The following SERTAD4 variants were observed in gnomAD, a reference collection of about 807,000 sequenced individuals.
SERTAD4 encodes SERTA domain-containing protein 4.
Under a neutral mutation model 32.9 loss-of-function variants are expected in SERTAD4, and 18 were observed. The ratio of observed to expected loss-of-function variants is 0.55; its 90% CI spans 0.38 to 0.81. SERTAD4 has a LOEUF of 0.81. Among genes scored for constraint, SERTAD4 ranks in the 30% least tolerant of loss-of-function variants. The pLI is 0.00. For synonymous variants in SERTAD4, 150 were observed against 156.4 expected (o/e 0.96, Z 0.30); for missense variants, 383 against 426.0 (o/e 0.90, Z 0.89).
intron 3 of SERTAD4, among the ~76,000 whole-genome samples, chr1:210,240,683 G>A (rs1472214596): frequency 1.3e-5 from 2 of 152,128 alleles, no homozygotes; most frequent in African/African-American, 2.4e-5. Context: ...CATAGTGACA[G>A]TGTCACACAG....
chr1:210,236,519 T>C (rs1387583995), intron 1 of SERTAD4, among the ~76,000 whole-genome samples: 2 of 152,256 alleles, frequency 1.3e-5, no homozygotes, highest in African/African-American at 2.4e-5. Context: ...ATTGTCACTT[T>C]AATGATGCTA....
rs983161559 is a variant in SERTAD4 at position 210,246,015 on chromosome 1, T to G, written c.*3678T>G. ...AAATTTGAAGTTATTTCATTTGTAGTTAAGGTTATCACATCCCTGCCAATT... is the reference window on the plus strand; with the variant it reads ...AAATTTGAAGTTATTTCATTTGTAGGTAAGGTTATCACATCCCTGCCAATT... On this transcript the variant is annotated 3_prime_UTR_variant, in exon 4 of 4. Coordinates refer to ENST00000367012, the MANE Select transcript of SERTAD4 (RefSeq NM_019605.5). 4.8e-6 allele frequency: 4 copies of G among 825,844 alleles called. No individual in the cohort carries two copies. The highest frequency in any genetic ancestry group is 1.2e-4 in the East Asian group (1 of 8,096). The allele number at this position is 825,844 out of a possible 1,614,324, so 51.2% of individuals were successfully genotyped here.
At chr1:210,233,988 T>G (rs1478987563) in intron 1 of SERTAD4, 6 of 361,698 alleles carry the variant, frequency 1.7e-5, no homozygotes, top group Admixed American at 1.3e-4. Flanking sequence ...AACTTGGTTT[T>G]TTTTTTAAAA....
chr1:210,242,779 T>A lies in SERTAD4; in HGVS notation c.*442T>A, dbSNP rs932773859. The A allele has an allele frequency of 7.9e-5, 78 of 988,054 alleles. No individual in the cohort carries two copies. The highest frequency in any genetic ancestry group is 6.7e-4 in the Admixed American group (11 of 16,522). The allele number at this position is 988,054 out of a possible 1,614,324, so 61.2% of individuals were successfully genotyped here. A position where few individuals can be genotyped will look rare whatever the true frequency, so the allele number is the denominator to read the frequency against. On this transcript the variant is annotated 3_prime_UTR_variant, in exon 4 of 4. Coordinates refer to ENST00000367012, the MANE Select transcript of SERTAD4 (RefSeq NM_019605.5). This position sits in a 1 kb window ranked among gnomAD's most constrained non-coding sequence, Gnocchi z 4.0. ...CTTCTATATGATACAATATTTTTTT[T>A]AAATAAAAGACTAAAGACAGGGAGC...
At chr1:210,233,870 C>T (rs769877439) in intron 1 of SERTAD4, 1 of 465,876 alleles carries the variant, frequency 2.1e-6, no homozygotes, top group Non-Finnish European at 4.4e-6. Flanking sequence ...CCGACATCTG[C>T]TGCGGGCTGG....
chr1:210,240,731 G>A (rs750380585), intron 3 of SERTAD4, among the ~76,000 whole-genome samples: 2 of 152,056 alleles, frequency 1.3e-5, no homozygotes, highest in Non-Finnish European at 2.9e-5. Context: ...TCGGCATCTC[G>A]TCTCCCACTC....
At chr1:210,239,671 G>A (rs1343189885) in intron 3 of SERTAD4, 63 bp downstream of exon 3, 9 of 905,028 alleles carry the variant, frequency 9.9e-6, no homozygotes, top group Admixed American at 4.9e-5. Flanking sequence ...ACAGTTGCTT[G>A]ATCCACTTCC....
At chr1:210,238,170 C>T (rs1345215937) in intron 2 of SERTAD4, 35 bp downstream of exon 2, 4 of 1,296,742 alleles carry the variant, frequency 3.1e-6, no homozygotes, top group Non-Finnish European at 4.3e-6. Context: ...CCCCCCCACC[C>T]CTCGCTGCCC....
chr1:210,233,786 C>T (rs1196977489), intron 1 of SERTAD4: 1 of 470,888 alleles, frequency 2.1e-6, no homozygotes, highest in South Asian at 1.6e-5. Context: ...CGCCAGGTCC[C>T]ACGGGCGCAG....
chr1:210,233,642 G>C (rs1185715701), intron 1 of SERTAD4: 1 of 468,588 alleles, frequency 2.1e-6, no homozygotes, highest in Non-Finnish European at 4.4e-6. Flanking sequence ...CACCTCCTCG[G>C]CGGGCTGAGG....
Position 210,242,553 on chromosome 1 carries a change from G to A in SERTAD4, c.*216G>A, listed in dbSNP as rs1054235761. The A allele has an allele frequency of 1.1e-5, 14 of 1,311,910 alleles. No homozygotes were observed. Among genetic ancestry groups the A allele is most frequent in the Non-Finnish European group, 7.7e-6 (8 of 1,037,374 alleles). 81.3% of individuals were successfully genotyped at this position (1,311,910 alleles called of 1,614,324 possible). ...ATGTGGTGATTTTTACCAAGGAAACGATTGACTTAATGCTTAAAAGTATAT... is the reference window on the plus strand; with the variant it reads ...ATGTGGTGATTTTTACCAAGGAAACAATTGACTTAATGCTTAAAAGTATAT... On this transcript the variant is annotated 3_prime_UTR_variant, in exon 4 of 4. Coordinates refer to ENST00000367012, the MANE Select transcript of SERTAD4 (RefSeq NM_019605.5). This position sits in a 1 kb window ranked among gnomAD's most constrained non-coding sequence, Gnocchi z 4.0.
intron 3 of SERTAD4, among the ~76,000 whole-genome samples, chr1:210,240,041 C>T (rs917412675): frequency 2.0e-5 from 3 of 152,082 alleles, no homozygotes; most frequent in Non-Finnish European, 4.4e-5. Flanking sequence ...TTCCTGACCT[C>T]TTATGGGTAG....
intron 1 of SERTAD4, among the ~76,000 whole-genome samples, chr1:210,236,474 T>C (rs1181123672): frequency 6.6e-6 from 1 of 152,196 alleles, no homozygotes; most frequent in East Asian, 1.9e-4. Flanking sequence ...GGTAGAGTCA[T>C]TGCTGCCAAG....
In SERTAD4 at chr1:210,243,442, A is replaced by G. The variant is rs2084020028; in HGVS notation, c.*1105A>G. On this transcript the variant is annotated 3_prime_UTR_variant, in exon 4 of 4. Coordinates refer to ENST00000367012, the MANE Select transcript of SERTAD4 (RefSeq NM_019605.5). ...TTGCATCATTTCACTTGTTTAGATTATAAAAGCATGTGGGTTTTTATATAT... is the reference window on the plus strand; with the variant it reads ...TTGCATCATTTCACTTGTTTAGATTGTAAAAGCATGTGGGTTTTTATATAT... 1 of 152,258 alleles carries G rather than the reference A, an allele frequency of 6.6e-6. No homozygotes were observed. 9.4% of individuals were successfully genotyped at this position (152,258 alleles called of 1,614,324 possible). A position where few individuals can be genotyped will look rare whatever the true frequency, so the allele number is the denominator to read the frequency against.
rs1166973982 is a variant in SERTAD4 at position 210,232,997 on chromosome 1, C to T, written c.-32C>T. On this transcript the variant is annotated 5_prime_UTR_variant, in exon 1 of 4. Coordinates refer to ENST00000367012, the MANE Select transcript of SERTAD4 (RefSeq NM_019605.5). ...GCTCAAGCGCTGCGGCCGCCGCCTC[C>T]CCGCTGACCCCGCGGTAAGAGCCGG... The T allele has an allele frequency of 6.6e-6, 1 of 150,832 alleles. No homozygotes were observed. The highest frequency in any genetic ancestry group is 1.5e-5 in the Non-Finnish European group (1 of 67,564). The allele number at this position is 150,832 out of a possible 1,614,324, so 9.3% of individuals were successfully genotyped here. A position where few individuals can be genotyped will look rare whatever the true frequency, so the allele number is the denominator to read the frequency against.
intron 1 of SERTAD4, chr1:210,233,768 G>A (rs960610709): frequency 8.5e-6 from 4 of 471,006 alleles, no homozygotes; most frequent in African/African-American, 8.0e-5. Flanking sequence ...GGGAATAGGC[G>A]TCCTCGCCGC....
In SERTAD4 at chr1:210,242,244, C is replaced by T. The variant is rs2147850021; in HGVS notation, c.978C>T (p.Asn326=). 4 of 1,613,754 alleles carry T rather than the reference C, an allele frequency of 2.5e-6. No individual in the cohort carries two copies. Among genetic ancestry groups the T allele is most frequent in the Non-Finnish European group, 3.4e-6 (4 of 1,179,936 alleles). The change falls in exon 4 of 4, where the codon AAC becomes AAT. Residue 326 remains asparagine (N), a synonymous_variant. Coordinates refer to ENST00000367012, the MANE Select transcript of SERTAD4 (RefSeq NM_019605.5). This position sits in a 1 kb window ranked among gnomAD's most constrained non-coding sequence, Gnocchi z 4.0. Reference sequence around the variant, plus strand: ...TTGAGACCGGATATAATGAAAGAAACAATGTAAATGAATCTTGGAAAAAGT... The same window carrying T: ...TTGAGACCGGATATAATGAAAGAAATAATGTAAATGAATCTTGGAAAAAGT... ...DYFETGYNER[N]NVNESWKKSL... is the part of the protein sequence containing the mutation.
chr1:210,243,287 C>A lies in SERTAD4; in HGVS notation c.*950C>A. On this transcript the variant is annotated 3_prime_UTR_variant, in exon 4 of 4. Coordinates refer to ENST00000367012, the MANE Select transcript of SERTAD4 (RefSeq NM_019605.5). ...GAGAGCTGTTAGAAAGCAGCACGGG[C>A]TGCTCGAGCTTTTCTATGGCAACTG... 3.1e-6 allele frequency: 1 copy of A among 317,846 alleles called. No homozygotes were observed. Among genetic ancestry groups the A allele is most frequent in the Non-Finnish European group, 4.5e-6 (1 of 220,922 alleles). The allele number at this position is 317,846 out of a possible 1,614,324, so 19.7% of individuals were successfully genotyped here.
rs773280227 is a variant in SERTAD4 at position 210,245,159 on chromosome 1, A to G, written c.*2822A>G. 2 of 152,078 alleles carry G rather than the reference A, an allele frequency of 1.3e-5. No individual in the cohort carries two copies. Among genetic ancestry groups the G allele is most frequent in the Non-Finnish European group, 2.9e-5 (2 of 68,042 alleles). 9.4% of individuals were successfully genotyped at this position (152,078 alleles called of 1,614,324 possible). On this transcript the variant is annotated 3_prime_UTR_variant, in exon 4 of 4. Coordinates refer to ENST00000367012, the MANE Select transcript of SERTAD4 (RefSeq NM_019605.5). ...AAAAGCTAAGACATCCTCCACCCAC[A>G]CTGGTATCTACGCGCCTGGAAGCTG...
Sources: gnomAD v4.1 joint callset for allele counts (sites outside exome capture counted in the v4.1 genomes callset) on GRCh38, gnomAD v4.1.1 for gene constraint, Gnocchi (gnomAD v3.1) non-coding constraint, MANE v1.5 for transcripts, NCBI Gene and HGNC (gene_info 2026-07-23, HGNC 2026-07-21) for gene names.